PPP2R2B: variants seen among roughly 807,000 people sequenced by gnomAD.
The protein encoded by PPP2R2B is serine/threonine-protein phosphatase 2A 55 kDa regulatory subunit B beta isoform.
Under a neutral mutation model 46.0 loss-of-function variants are expected in PPP2R2B, and 5 were observed. That is an observed-to-expected ratio of 0.11 (90% CI 0.06 to 0.23). The LOEUF (loss-of-function observed/expected upper bound fraction) is 0.23. Ranked by LOEUF, PPP2R2B falls within the 10% of genes least tolerant of loss-of-function variation. The probability of loss-of-function intolerance (pLI) is 1.00; values close to 1 mark genes in which losing one functional copy is unlikely to be tolerated. For synonymous variants in PPP2R2B, 215 were observed against 206.7 expected, an observed-to-expected ratio of 1.04 and a Z score of -0.34; for missense variants, 367 against 575.0, an observed-to-expected ratio of 0.64 and a Z score of 3.70.
intron 8 of PPP2R2B, 103 bp from the exon 9 acceptor site, chr5:146,593,165 C>A: frequency 9.8e-7 from 1 of 1,018,948 alleles, no homozygotes; most frequent in Non-Finnish European, 1.5e-6. Context: ...TTTCATTGTA[C>A]ATGCTCTTTG....
intron 2 of PPP2R2B, among the ~76,000 whole-genome samples, chr5:146,741,849 A>G (rs1752894425): frequency 6.6e-6 from 1 of 152,350 alleles, no homozygotes; most frequent in South Asian, 2.1e-4. Flanking sequence ...TTCTGGTTCA[A>G]CAAGTCTGTT....
chr5:146,678,062 T>C (rs1297832882), intron 5 of PPP2R2B, among the ~76,000 whole-genome samples: 1 of 152,186 alleles, frequency 6.6e-6, no homozygotes, highest in Non-Finnish European at 1.5e-5. Flanking sequence ...AAAGCCCCCA[T>C]GGCTCAGAGG....
intron 2 of PPP2R2B, among the ~76,000 whole-genome samples, chr5:147,061,192 T>G (rs1457165018): frequency 6.6e-6 from 1 of 152,198 alleles, no homozygotes; most frequent in African/African-American, 2.4e-5. Flanking sequence ...TGAGTTTATA[T>G]TCTCAAAGAA....
At chr5:146,987,959 C>T (rs1753505723) in intron 1 of PPP2R2B, among the ~76,000 whole-genome samples, 1 of 151,750 alleles carries the variant, frequency 6.6e-6, no homozygotes, top group Admixed American at 6.6e-5. Context: ...CCAAAGAGGG[C>T]AGGAGTAGCT....
intron 2 of PPP2R2B, among the ~76,000 whole-genome samples, chr5:146,863,900 C>CA (rs1318387328): frequency 6.6e-6 from 1 of 152,162 alleles, no homozygotes; most frequent in Non-Finnish European, 1.5e-5. Flanking sequence ...GAAATGCAGA[C>CA]AGCCAATATA....
chr5:147,065,687 A>G (rs1398213871), intron 2 of PPP2R2B, among the ~76,000 whole-genome samples: 2 of 152,050 alleles, frequency 1.3e-5, no homozygotes, highest in Non-Finnish European at 2.9e-5. Flanking sequence ...TAGAGAAAAG[A>G]GGGAAAATGA....
At chr5:146,739,231 G>C (rs1227825824) in intron 2 of PPP2R2B, among the ~76,000 whole-genome samples, 6 of 152,132 alleles carry the variant, frequency 3.9e-5, no homozygotes, top group African/African-American at 1.4e-4. Context: ...TGTTGCCCAA[G>C]CTGGTCTGGA....
chr5:146,797,154 T>C (rs573095662), intron 2 of PPP2R2B, among the ~76,000 whole-genome samples: 57 of 152,326 alleles, frequency 3.7e-4, no homozygotes, highest in African/African-American at 1.1e-3. Context: ...GGCTCTTACA[T>C]ACCCCTTTTC....
At chr5:146,780,484 G>C (rs977383949) in intron 2 of PPP2R2B, among the ~76,000 whole-genome samples, 1 of 152,168 alleles carries the variant, frequency 6.6e-6, no homozygotes, top group Admixed American at 6.5e-5. Flanking sequence ...AAGGCTGACT[G>C]TCCGATAGCA....
rs115323330 is a variant in PPP2R2B, at chr5:146,781,706, T to G, written c.71-80564A>C. On this transcript the variant is annotated intron_variant, in intron 2 of 9. Transcript: ENST00000394411. ...AATTTTCCTGTAGCCCACCACCACATTTCACAGAATCATAGTTGTCCCAAT... is the reference window on the plus strand; with the variant it reads ...AATTTTCCTGTAGCCCACCACCACAGTTCACAGAATCATAGTTGTCCCAAT... Among the ~76,000 whole-genome samples the G allele has an allele frequency of 3.5e-3, 531 of 152,288 alleles. 7 individuals carry two copies. Among genetic ancestry groups the G allele is most frequent in the African/African-American group, 0.011 (473 of 41,564 alleles).
chr5:147,035,208 C>T (rs1208495037), intron 1 of PPP2R2B: 1 of 442,032 alleles, frequency 2.3e-6, no homozygotes, highest in East Asian at 7.3e-5. Context: ...AACTTACAAT[C>T]ATGGCAGAAG....
intron 2 of PPP2R2B, among the ~76,000 whole-genome samples, chr5:146,796,234 A>G (rs1315597867): frequency 6.6e-6 from 1 of 152,194 alleles, no homozygotes; most frequent in Non-Finnish European, 1.5e-5. Context: ...GAGAATCTTC[A>G]TGATAGGTCC....
chr5:146,807,766 G>T (rs1757264189), intron 2 of PPP2R2B, among the ~76,000 whole-genome samples: 1 of 133,668 alleles, frequency 7.5e-6, no homozygotes, highest in Non-Finnish European at 1.6e-5. Flanking sequence ...TAAACCTCCT[G>T]GGGTGCCTTC....
At chr5:146,899,168 T>C (rs1187448339) in intron 1 of PPP2R2B, among the ~76,000 whole-genome samples, 15 of 147,268 alleles carry the variant, frequency 1.0e-4, no homozygotes, top group Admixed American at 6.8e-5. Flanking sequence ...TAAAGACACA[T>C]GCACACGTAT....
At chr5:146,922,979 T>C (rs2151815886) in intron 1 of PPP2R2B, among the ~76,000 whole-genome samples, 1 of 152,258 alleles carries the variant, frequency 6.6e-6, no homozygotes, top group South Asian at 2.1e-4. Flanking sequence ...AATTCAGCTT[T>C]AGGAGTAAGC....
intron 1 of PPP2R2B, among the ~76,000 whole-genome samples, chr5:146,943,826 C>A (rs780043035): frequency 1.8e-4 from 28 of 152,226 alleles, no homozygotes; most frequent in Non-Finnish European, 3.5e-4. Context: ...CCCTTCGTAT[C>A]TCTTTCCGTG....
At chr5:146,867,134 A>G (rs1258803781) in intron 2 of PPP2R2B, among the ~76,000 whole-genome samples, 1 of 152,226 alleles carries the variant, frequency 6.6e-6, no homozygotes, top group African/African-American at 2.4e-5. Flanking sequence ...AAGAATTTCA[A>G]AAGACTTGAC....
chr5:146,795,896 T>G (rs1211894092), intron 2 of PPP2R2B, among the ~76,000 whole-genome samples: 1 of 152,214 alleles, frequency 6.6e-6, no homozygotes, highest in Non-Finnish European at 1.5e-5. Flanking sequence ...TGGCACATGA[T>G]AAAAATTCTT....
At chr5:147,030,511 T>C (rs1176663842) in intron 1 of PPP2R2B, among the ~76,000 whole-genome samples, 1 of 152,182 alleles carries the variant, frequency 6.6e-6, no homozygotes, top group African/African-American at 2.4e-5. Context: ...AACTAGCCTT[T>C]AGCTTTTTAG....
Sources: gnomAD v4.1 joint callset for allele counts (sites outside exome capture counted in the v4.1 genomes callset) on GRCh38, gnomAD v4.1.1 for gene constraint, MANE v1.5 for transcripts, NCBI Gene and HGNC (gene_info 2026-07-23, HGNC 2026-07-21) for gene names.